The following PPARGC1A variants were observed in gnomAD, a reference collection of about 807,000 sequenced individuals.
PPARGC1A encodes peroxisome proliferator-activated receptor gamma coactivator 1-alpha.
PPARGC1A carries 25 observed loss-of-function variants against 88.7 expected under a neutral mutation model. The observed-to-expected ratio is 0.28, with a 90% CI of 0.21 to 0.39. The LOEUF (loss-of-function observed/expected upper bound fraction) is 0.39, where lower values mean the gene tolerates loss of function less well. Among genes scored for constraint, PPARGC1A ranks in the 10% least tolerant of loss-of-function variants. PPARGC1A has a pLI of 1.00. For missense variants in PPARGC1A, 880 were observed against 968.7 expected (o/e 0.91, Z 1.22); for synonymous variants, 363 against 355.6 (o/e 1.02, Z -0.24).
the PPARGC1A span, among the ~76,000 whole-genome samples, chr4:24,092,550 C>A: frequency 6.6e-6 from 1 of 152,134 alleles, no homozygotes; most frequent in Non-Finnish European, 1.5e-5. Flanking sequence ...ATACCTGAAT[C>A]CACATGGCCC....
the PPARGC1A span, among the ~76,000 whole-genome samples, chr4:24,409,568 T>G: frequency 6.6e-6 from 1 of 152,232 alleles, no homozygotes; most frequent in Non-Finnish European, 1.5e-5. Context: ...CTTAAGGCCC[T>G]GACAATATTA....
chr4:23,903,480 T>C (rs369040095), upstream of PPARGC1A, among the ~76,000 whole-genome samples: 15 of 152,300 alleles, frequency 9.8e-5, no homozygotes, highest in African/African-American at 3.6e-4. Flanking sequence ...TTTTACATAA[T>C]GTTTGAGTAA....
chr4:23,831,777 A>T (rs754605134), intron 2 of PPARGC1A, 26 bp from the exon 3 acceptor site: 10 of 1,572,896 alleles, frequency 6.4e-6, no homozygotes, highest in African/African-American at 1.4e-5. Context: ...AAAACAGAAG[A>T]TGTGAGTTGA....
the PPARGC1A span, among the ~76,000 whole-genome samples, chr4:24,156,095 T>C: frequency 6.6e-6 from 1 of 152,214 alleles, no homozygotes; most frequent in African/African-American, 2.4e-5. Flanking sequence ...TTTTCTCATT[T>C]TGGAGATGGA....
the PPARGC1A span, among the ~76,000 whole-genome samples, chr4:24,139,289 C>A: frequency 6.6e-6 from 1 of 151,988 alleles, no homozygotes; most frequent in Non-Finnish European, 1.5e-5. Flanking sequence ...ACCTGCCACA[C>A]GCCCGGCTAA....
the PPARGC1A span, among the ~76,000 whole-genome samples, chr4:23,934,806 G>A: frequency 1.3e-5 from 2 of 152,170 alleles, no homozygotes; most frequent in Non-Finnish European, 2.9e-5. Context: ...GCTTGCCCAA[G>A]ACCCCGGATC....
the PPARGC1A span, among the ~76,000 whole-genome samples, chr4:24,017,253 G>T: frequency 1.3e-5 from 2 of 152,030 alleles, no homozygotes; most frequent in Non-Finnish European, 2.9e-5. Context: ...TTGGATCAAA[G>T]AAAAAAACCA....
At chr4:24,009,848 T>C in the PPARGC1A span, among the ~76,000 whole-genome samples, 1 of 152,214 alleles carries the variant, frequency 6.6e-6, no homozygotes, top group African/African-American at 2.4e-5. Flanking sequence ...TGGCTGAAGC[T>C]TGTCAGTTTA....
the PPARGC1A span, among the ~76,000 whole-genome samples, chr4:24,321,252 G>A: frequency 6.6e-6 from 1 of 152,126 alleles, no homozygotes; most frequent in Non-Finnish European, 1.5e-5. Context: ...CCAACACCTG[G>A]CTTTTAAAAA....
chr4:24,173,850 G>T, the PPARGC1A span, among the ~76,000 whole-genome samples: 1 of 152,184 alleles, frequency 6.6e-6, no homozygotes, highest in Non-Finnish European at 1.5e-5. Context: ...ACCCATCATT[G>T]CCACTACAGG....
the PPARGC1A span, among the ~76,000 whole-genome samples, chr4:24,115,558 T>G: frequency 2.7e-3 from 414 of 152,284 alleles, 5 homozygotes; most frequent in East Asian, 0.051. Context: ...CTGATTCTGG[T>G]CATTATCAAC....
At chr4:24,027,219 C>CTG in the PPARGC1A span, among the ~76,000 whole-genome samples, 7,033 of 142,124 alleles carry the variant, frequency 0.049, 250 homozygotes, top group Non-Finnish European at 0.077. Flanking sequence ...GTGTGTGTGT[C>CTG]TGTGTGTCTG....
chr4:24,056,714 G>A, the PPARGC1A span, among the ~76,000 whole-genome samples: 2 of 152,224 alleles, frequency 1.3e-5, no homozygotes, highest in East Asian at 3.9e-4. Context: ...ACTGTCTACT[G>A]CATAGTTGTT....
At chr4:24,368,659 T>C in the PPARGC1A span, among the ~76,000 whole-genome samples, 1 of 152,144 alleles carries the variant, frequency 6.6e-6, no homozygotes, top group African/African-American at 2.4e-5. Context: ...ACACAAAATA[T>C]GAAAAAGACC....
chr4:24,120,617 C>T, the PPARGC1A span, among the ~76,000 whole-genome samples: 1 of 152,080 alleles, frequency 6.6e-6, no homozygotes, highest in African/African-American at 2.4e-5. Context: ...CCCCAAAATT[C>T]ATATGTTGAA....
the PPARGC1A span, among the ~76,000 whole-genome samples, chr4:23,961,964 C>A: frequency 1.3e-5 from 2 of 152,082 alleles, no homozygotes; most frequent in African/African-American, 4.8e-5. Flanking sequence ...CAGATCACGA[C>A]CAATAAAGAT....
chr4:23,810,364 C>T (rs72619163), intron 10 of PPARGC1A, among the ~76,000 whole-genome samples: 2 of 44,884 alleles, frequency 4.5e-5, no homozygotes, highest in Admixed American at 3.9e-4. Context: ...AGAACTGATA[C>T]AGATTACTTT....
In PPARGC1A at chr4:23,859,836, A is replaced by G. The variant is rs550243573; in HGVS notation, c.234+24916T>C. ...AAAATAAAATAAAATAAAATAAAAT[A>G]AAATAAAATAAAATAAAATAACACC... is the stretch of plus-strand genomic sequence containing the variant. On this transcript the variant is annotated intron_variant, in intron 2 of 12. Coordinates refer to ENST00000264867, the MANE Select transcript of PPARGC1A (RefSeq NM_013261.5). Among the ~76,000 whole-genome samples the G allele has an allele frequency of 4.2e-3, 586 of 141,030 alleles. 6 individuals are homozygous for G. The highest frequency in any genetic ancestry group is 0.024 in the Middle Eastern group (7 of 286). The allele number at this position is 141,030 out of a possible 152,430, so 92.5% of individuals were successfully genotyped here. A position where few individuals can be genotyped will look rare whatever the true frequency, so the allele number is the denominator to read the frequency against.
upstream of PPARGC1A, among the ~76,000 whole-genome samples, chr4:23,903,009 ATATT>A (rs1269315477): frequency 2.0e-5 from 3 of 152,222 alleles, no homozygotes; most frequent in Non-Finnish European, 4.4e-5. Flanking sequence ...TCATGGTAAT[ATATT>A]TATTTCTAGT....
Sources: allele counts gnomAD v4.1 joint callset (sites outside exome capture counted in the v4.1 genomes callset), GRCh38; gene constraint gnomAD v4.1.1; transcripts MANE v1.5; gene names NCBI Gene and HGNC (gene_info 2026-07-23, HGNC 2026-07-21).